Variants in TMEM38B observed in about 807,000 individuals in gnomAD.
TMEM38B encodes transmembrane protein 38B.
In TMEM38B, 24 loss-of-function variants were observed where a neutral mutation model predicts 28.7. The ratio of observed to expected loss-of-function variants is 0.84; its 90% confidence interval spans 0.61 to 1.18. The LOEUF (loss-of-function observed/expected upper bound fraction) is 1.18, where lower values mean the gene tolerates loss of function less well. TMEM38B is among the 50% of genes most tolerant of loss of function. The pLI is 0.00. For synonymous variants in TMEM38B, 131 were observed against 127.7 expected (o/e 1.03, Z -0.17); for missense variants, 380 against 350.9 (o/e 1.08, Z -0.66).
chr9:105,707,562 T>C (rs1442275007), intron 2 of TMEM38B, among the ~76,000 whole-genome samples: 1 of 152,150 alleles, frequency 6.6e-6, no homozygotes, highest in Non-Finnish European at 1.5e-5. Flanking sequence ...TTACAAATAA[T>C]AGTAGCAATG....
chr9:105,718,797 C>A (rs928164690), intron 2 of TMEM38B, among the ~76,000 whole-genome samples: 2 of 151,656 alleles, frequency 1.3e-5, no homozygotes, highest in Non-Finnish European at 2.9e-5. Context: ...ATATATTTTT[C>A]TTAAAATTCC....
At chr9:105,726,571 T>G (rs1019968382) in intron 4 of TMEM38B, among the ~76,000 whole-genome samples, 2 of 152,122 alleles carry the variant, frequency 1.3e-5, no homozygotes, top group Non-Finnish European at 2.9e-5. Context: ...TAACAGTGCC[T>G]TCTTCTGGAA....
intron 4 of TMEM38B, among the ~76,000 whole-genome samples, chr9:105,728,622 T>A (rs934355310): frequency 2.0e-5 from 3 of 152,148 alleles, no homozygotes; most frequent in Non-Finnish European, 4.4e-5. Context: ...GATGACTGGG[T>A]CAAATGGTAT....
At chr9:105,730,990 A>G (rs887157354) in intron 4 of TMEM38B, among the ~76,000 whole-genome samples, 1 of 151,610 alleles carries the variant, frequency 6.6e-6, no homozygotes, top group Non-Finnish European at 1.5e-5. Flanking sequence ...CCATCTATCT[A>G]TTTTGTTATC....
chr9:105,758,173 T>TG, intron 5 of TMEM38B: 2 of 634,144 alleles, frequency 3.2e-6, no homozygotes, highest in Non-Finnish European at 2.9e-6. Flanking sequence ...TATGGAGAGT[T>TG]GGGGTGTGCC....
At chr9:105,768,677 T>C (rs1398321081) in intron 5 of TMEM38B, among the ~76,000 whole-genome samples, 3 of 152,154 alleles carry the variant, frequency 2.0e-5, no homozygotes, top group Non-Finnish European at 4.4e-5. Flanking sequence ...AGTTTTTTAT[T>C]GTTGGCATGA....
At chr9:105,746,837 G>C (rs1332812458) in intron 4 of TMEM38B, among the ~76,000 whole-genome samples, 1 of 151,242 alleles carries the variant, frequency 6.6e-6, no homozygotes, top group Non-Finnish European at 1.5e-5. Context: ...TGAGATAATC[G>C]TGGTTTTTGT....
chr9:105,744,531 A>G (rs1837316973), intron 4 of TMEM38B, among the ~76,000 whole-genome samples: 1 of 151,548 alleles, frequency 6.6e-6, no homozygotes, highest in Non-Finnish European at 1.5e-5. Flanking sequence ...CTAAGAAAAG[A>G]TATTTATTGA....
chr9:105,761,703 A>G (rs971071506), intron 5 of TMEM38B, among the ~76,000 whole-genome samples: 3 of 152,186 alleles, frequency 2.0e-5, no homozygotes, highest in African/African-American at 7.2e-5. Flanking sequence ...GGTGCACATT[A>G]GACTCACCCG....
rs371133696 is a variant in TMEM38B, at chr9:105,748,122, A to G, written c.592A>G (p.Thr198Ala). Residue 198 changes from threonine to alanine, a missense_variant, in exon 5 of 6, where the codon ACC becomes GCC. Thr to Ala is a moderately conservative substitution (Grantham distance 58, BLOSUM62 0). Coordinates refer to ENST00000374692, the MANE Select transcript of TMEM38B (RefSeq NM_018112.3). ...LGSVIFTFQHTQHLAISKHNL... is the reference protein window; with the variant it reads ...LGSVIFTFQHAQHLAISKHNL... ...GTCAGTTATCTTCACATTCCAGCAC[A>G]CCCAGCATCTGGCAATATCAAAGCA... is the stretch of plus-strand genomic sequence containing the variant. 2 of 1,613,504 alleles carry G rather than the reference A, an allele frequency of 1.2e-6. No individual in the cohort carries two copies. The highest frequency in any genetic ancestry group is 1.7e-6 in the Non-Finnish European group (2 of 1,179,714).
chr9:105,765,724 G>C (rs911773097), intron 5 of TMEM38B, among the ~76,000 whole-genome samples: 3 of 152,108 alleles, frequency 2.0e-5, no homozygotes, highest in African/African-American at 7.2e-5. Context: ...TTGATTATTT[G>C]AATAAGGTTG....
At position 105,762,273 on chromosome 9, in the gene TMEM38B, A is replaced by G. The variant is rs1393486485; in HGVS notation, c.661-11592A>G. 2.6e-5 allele frequency among the ~76,000 whole-genome samples: 4 copies of G among 151,750 alleles called. No homozygotes were observed. In the East Asian group the frequency reaches 7.7e-4, roughly 29 times the overall value. On this transcript the variant is annotated intron_variant, in intron 5 of 5. Transcript: ENST00000374692. ...TTTTTTTTTTAAATTTATTATTATT[A>G]TACTTTAAGTTTTAGGGTACATGTG... is the stretch of plus-strand genomic sequence containing the variant.
At chr9:105,763,501 C>T (rs573376697) in intron 5 of TMEM38B, among the ~76,000 whole-genome samples, 7 of 152,174 alleles carry the variant, frequency 4.6e-5, no homozygotes, top group South Asian at 2.1e-4. Context: ...ATAAATTCCT[C>T]GACACATACA....
Position 105,735,906 on chromosome 9 carries a change from G to A in TMEM38B, c.543-12167G>A, listed in dbSNP as rs182422940. ...TTTAGAGACAGTGTCTTGCTCTGTT[G>A]CCCAAGCTGGAGTGCAGTGGCATGG... On this transcript the variant is annotated intron_variant, in intron 4 of 5. Transcript: ENST00000374692. 6.2e-3 allele frequency among the ~76,000 whole-genome samples: 947 copies of A among 152,186 alleles called. 5 individuals are homozygous for A. Among genetic ancestry groups the A allele is most frequent in the Non-Finnish European group, 0.011 (755 of 68,006 alleles).
chr9:105,768,752 T>G (rs2133652866), intron 5 of TMEM38B, among the ~76,000 whole-genome samples: 1 of 152,326 alleles, frequency 6.6e-6, no homozygotes, highest in East Asian at 1.9e-4. Context: ...ATGTCTCCAC[T>G]TTCATTCCTG....
intron 4 of TMEM38B, among the ~76,000 whole-genome samples, chr9:105,726,217 T>C (rs958286590): frequency 6.6e-6 from 1 of 152,174 alleles, no homozygotes; most frequent in Admixed American, 6.6e-5. Flanking sequence ...TGCTACCAAA[T>C]ACTAGATCTT....
chr9:105,698,600 A>G (rs1835362219), intron 1 of TMEM38B, among the ~76,000 whole-genome samples: 1 of 152,094 alleles, frequency 6.6e-6, no homozygotes, highest in Non-Finnish European at 1.5e-5. Flanking sequence ...TTGATACATT[A>G]TTTTAATTCA....
At chr9:105,730,708 G>A (rs1386181657) in intron 4 of TMEM38B, among the ~76,000 whole-genome samples, 1 of 152,024 alleles carries the variant, frequency 6.6e-6, no homozygotes, top group African/African-American at 2.4e-5. Flanking sequence ...ACTTTTTTTG[G>A]TTGGTAAGCT....
chr9:105,723,415 T>G (rs1588417799), intron 4 of TMEM38B, among the ~76,000 whole-genome samples: 1 of 151,882 alleles, frequency 6.6e-6, no homozygotes, highest in African/African-American at 2.4e-5. Flanking sequence ...TGTATTTTTT[T>G]TTTTTTTTTG....
Sources: gnomAD v4.1 joint callset for allele counts (sites outside exome capture counted in the v4.1 genomes callset) on GRCh38, gnomAD v4.1.1 for gene constraint, MANE v1.5 for transcripts, NCBI Gene and HGNC (gene_info 2026-07-23, HGNC 2026-07-21) for gene names.